COL23A1: variants seen among roughly 807,000 people sequenced by gnomAD.
COL23A1 encodes the protein collagen type XXIII alpha 1 chain.
In COL23A1, 97 loss-of-function variants were observed where a neutral mutation model predicts 99.3. The observed-to-expected ratio is 0.98, with a 90% CI of 0.83 to 1.16. The LOEUF (loss-of-function observed/expected upper bound fraction) is 1.16, where lower values mean the gene tolerates loss of function less well. Ranked by LOEUF, COL23A1 falls within the 50% of genes most tolerant of loss-of-function variation. The probability of loss-of-function intolerance (pLI) is 0.00; values close to 1 mark genes in which losing one functional copy is unlikely to be tolerated. For synonymous variants in COL23A1, 320 were observed against 308.2 expected (o/e 1.04, Z -0.40); for missense variants, 762 against 757.4 (o/e 1.01, Z -0.07).
chr5:178,327,845 C>G (rs749920233), intron 2 of COL23A1, among the ~76,000 whole-genome samples: 1 of 152,202 alleles, frequency 6.6e-6, no homozygotes, highest in Non-Finnish European at 1.5e-5. Flanking sequence ...GCGCCCCACA[C>G]AGCTCAGAGC....
chr5:178,279,267 C>A (rs746794859), intron 5 of COL23A1, among the ~76,000 whole-genome samples: 2 of 152,194 alleles, frequency 1.3e-5, no homozygotes, highest in Non-Finnish European at 2.9e-5. Flanking sequence ...TTCTTCAGCT[C>A]CCGCCCCCGC....
intron 2 of COL23A1, among the ~76,000 whole-genome samples, chr5:178,405,047 T>A (rs567340805): frequency 6.6e-6 from 1 of 152,352 alleles, no homozygotes; most frequent in South Asian, 2.1e-4. Flanking sequence ...TGATCCCTCC[T>A]CAGGCTTGGC....
chr5:178,541,877 C>T (rs1481132786), intron 2 of COL23A1, among the ~76,000 whole-genome samples: 1 of 152,176 alleles, frequency 6.6e-6, no homozygotes, highest in African/African-American at 2.4e-5. Context: ...GCAGGCAGAA[C>T]CAGTCTCTTA....
At chr5:178,486,844 A>G (rs1757658519) in intron 2 of COL23A1, among the ~76,000 whole-genome samples, 1 of 152,202 alleles carries the variant, frequency 6.6e-6, no homozygotes, top group African/African-American at 2.4e-5. Flanking sequence ...CTTGGACTTC[A>G]AGCTGATGCT....
rs1204892522 is a variant in COL23A1 at position 178,464,806 on chromosome 5, AG to A, written c.361+95875del. Reference sequence around the variant, plus strand: ...TAGCTCTCAGATCCCGTGAGGCCTCAGCCTTATAACAATTCCATGTGGCAGA... The same window carrying A: ...TAGCTCTCAGATCCCGTGAGGCCTCACCTTATAACAATTCCATGTGGCAGA... On this transcript the variant is annotated intron_variant, in intron 2 of 28. Coordinates refer to ENST00000390654, the MANE Select transcript of COL23A1 (RefSeq NM_173465.4). 1.3e-4 allele frequency among the ~76,000 whole-genome samples: 20 copies of A among 152,188 alleles called. 1 individual carries two copies. The highest frequency in any genetic ancestry group is 4.8e-4 in the African/African-American group (20 of 41,514).
chr5:178,279,802 T>A (rs918514224), intron 5 of COL23A1, among the ~76,000 whole-genome samples: 2 of 152,194 alleles, frequency 1.3e-5, no homozygotes, highest in African/African-American at 4.8e-5. Flanking sequence ...CTCTTCACCT[T>A]CTGACTTCGA....
chr5:178,257,628 C>A, intron 12 of COL23A1, 61 bp from the exon 13 acceptor site: 1 of 1,490,106 alleles, frequency 6.7e-7, no homozygotes, highest in Non-Finnish European at 9.2e-7. Context: ...GGGCCCCTCC[C>A]TCCTCTGGAC....
chr5:178,407,043 TTTAC>T (rs1360725485), intron 2 of COL23A1, among the ~76,000 whole-genome samples: 2 of 152,142 alleles, frequency 1.3e-5, no homozygotes, highest in Non-Finnish European at 2.9e-5. Context: ...GAGAGGTGAA[TTTAC>T]TTGTTTGTTT....
intron 2 of COL23A1, among the ~76,000 whole-genome samples, chr5:178,534,113 T>C (rs967275824): frequency 1.2e-4 from 19 of 152,132 alleles, no homozygotes; most frequent in Non-Finnish European, 4.4e-5. Flanking sequence ...GGTAACAAAA[T>C]ACCATAGACT....
chr5:178,337,271 CGTGTTCCTGTCCCG>C (rs1484685226), intron 2 of COL23A1, among the ~76,000 whole-genome samples: 2 of 152,212 alleles, frequency 1.3e-5, no homozygotes, highest in Admixed American at 1.3e-4. Context: ...GGAGAGCATG[CGTGTTCCTGTCCCG>C]GTGATCCCCG....
intron 2 of COL23A1, among the ~76,000 whole-genome samples, chr5:178,502,367 G>A (rs1487862741): frequency 2.0e-5 from 3 of 152,284 alleles, no homozygotes; most frequent in South Asian, 2.1e-4. Flanking sequence ...TTCTGACCTT[G>A]TGATCTGCCC....
At chr5:178,581,621 A>C (rs1763666285) in intron 1 of COL23A1, among the ~76,000 whole-genome samples, 1 of 152,114 alleles carries the variant, frequency 6.6e-6, no homozygotes, top group Non-Finnish European at 1.5e-5. Context: ...ATCCTTCTGT[A>C]TCCAGTTACT....
rs1193352947 is a variant in COL23A1, at chr5:178,365,793, G to A, written c.362-58874C>T. Among the ~76,000 whole-genome samples, 3 of 152,118 alleles carry A rather than the reference G, an allele frequency of 2.0e-5. No individual in the cohort carries two copies. Among genetic ancestry groups the A allele is most frequent in the Non-Finnish European group, 2.9e-5 (2 of 68,014 alleles). On this transcript the variant is annotated intron_variant, in intron 2 of 28. Coordinates refer to ENST00000390654, the MANE Select transcript of COL23A1 (RefSeq NM_173465.4). This position sits in a 1 kb window ranked among gnomAD's most constrained non-coding sequence, Gnocchi z 5.2. ...CACCCAGGAGTCCTCTGTGACCTGG[G>A]AGGGGGCCCACTCCCCCTACCCTCA...
chr5:178,303,192 G>A (rs928804906), intron 3 of COL23A1, among the ~76,000 whole-genome samples: 2 of 152,126 alleles, frequency 1.3e-5, no homozygotes, highest in African/African-American at 2.4e-5. Context: ...TAGAGATGGG[G>A]TTTCACCATG....
intron 2 of COL23A1, among the ~76,000 whole-genome samples, chr5:178,498,205 A>AACATATATAT (rs1758295974): frequency 2.9e-5 from 1 of 34,708 alleles, no homozygotes; most frequent in African/African-American, 1.2e-4. Flanking sequence ...TCTTTATTTA[A>AACATATATAT]ATATATATAT....
intron 2 of COL23A1, among the ~76,000 whole-genome samples, chr5:178,444,255 C>T (rs1380412940): frequency 6.6e-6 from 1 of 152,032 alleles, no homozygotes; most frequent in Non-Finnish European, 1.5e-5. Flanking sequence ...CAAATCCCAT[C>T]CCCCCCAAAT....
At chr5:178,561,968 A>G in intron 1 of COL23A1, 1 of 402,344 alleles carries the variant, frequency 2.5e-6, no homozygotes, top group Non-Finnish European at 4.9e-6. Context: ...GCCTCATTTT[A>G]CAGACGGGCA....
chr5:178,498,250 ATATAT>A lies in COL23A1; in HGVS notation c.361+62427_361+62431del, dbSNP rs1562025745. Among the ~76,000 whole-genome samples, 46 of 72,066 alleles carry A rather than the reference ATATAT, an allele frequency of 6.4e-4. 2 individuals are homozygous for A. Among genetic ancestry groups the A allele is most frequent in the African/African-American group, 2.9e-3 (34 of 11,682 alleles). 47.3% of individuals were successfully genotyped at this position (72,066 alleles called of 152,430 possible). A position where few individuals can be genotyped will look rare whatever the true frequency, so the allele number is the denominator to read the frequency against. ...TATATATATATATATATATATATAT[ATATAT>A]ATAAAAGAACTTAAAAATAAAAAAA... On this transcript the variant is annotated intron_variant, in intron 2 of 28. Transcript: ENST00000390654.
At chr5:178,262,300 T>TGAACTGAGCCCAAATCTCA in intron 9 of COL23A1, 48 bp from the exon 10 acceptor site, 1 of 1,551,998 alleles carries the variant, frequency 6.4e-7, no homozygotes, top group Non-Finnish European at 8.7e-7. Context: ...GATGTCACAT[T>TGAACTGAGCCCAAATCTCA]GAACTGAGCC....
Sources: gnomAD v4.1 joint callset for allele counts (sites outside exome capture counted in the v4.1 genomes callset) on GRCh38, gnomAD v4.1.1 for gene constraint, Gnocchi (gnomAD v3.1) non-coding constraint, MANE v1.5 for transcripts, NCBI Gene and HGNC (gene_info 2026-07-23, HGNC 2026-07-21) for gene names.